Variants in CLPB observed in about 807,000 individuals in gnomAD.
The protein encoded by CLPB is mitochondrial disaggregase.
Under a neutral mutation model 78.4 loss-of-function variants are expected in CLPB, and 40 were observed. The observed-to-expected ratio is 0.51, with a 90% CI of 0.40 to 0.66. The LOEUF is 0.66. CLPB is among the 30% of genes least tolerant of loss of function. The pLI is 0.00. For missense variants in CLPB, 780 were observed against 886.9 expected (o/e 0.88, Z 1.53); for synonymous variants, 333 against 348.0 (o/e 0.96, Z 0.48).
chr11:72,302,643 T>TCCAC (rs1414990508), intron 9 of CLPB: 1 of 369,888 alleles, frequency 2.7e-6, no homozygotes, highest in Non-Finnish European at 5.2e-6. Flanking sequence ...CACCACATCA[T>TCCAC]CCACCCACCC....
In CLPB at chr11:72,317,255, C is replaced by T. The variant is rs758425727; in HGVS notation, c.874-35G>A. 96 of 1,508,508 alleles carry T rather than the reference C, an allele frequency of 6.4e-5. No homozygotes were observed. The Admixed American group carries it at 1.6e-3, about 25-fold the overall frequency. 93.4% of individuals were successfully genotyped at this position (1,508,508 alleles called of 1,614,324 possible). A position where few individuals can be genotyped will look rare whatever the true frequency, so the allele number is the denominator to read the frequency against. ...GAGAGGGCAAATGGTTGAGGGCTGC[C>T]GGGCCCATAGCACCATAGCTTCACT... On this transcript the variant is annotated intron_variant, in intron 6 of 15. Coordinates refer to ENST00000538039, the MANE Select transcript of CLPB (RefSeq NM_001258392.3).
Position 72,302,306 on chromosome 11 carries a change from C to T in CLPB, c.1165G>A (p.Glu389Lys). ...LDMSEFQERH[E>K]VAKFIGSPPG... ...AATCAAGGACTGTCATCACTCACCT[C>T]GTGTCGCTCCTGGAACTCGGACATG... is the stretch of plus-strand genomic sequence containing the variant. The change falls in exon 10 of 16, where the codon GAG (glutamate) becomes AAG (lysine). Residue 389 changes from glutamate to lysine, a missense_variant and splice_region_variant. Coordinates refer to ENST00000538039, the MANE Select transcript of CLPB (RefSeq NM_001258392.3). 6.2e-7 allele frequency: 1 copy of T among 1,614,090 alleles called. No individual in the cohort carries two copies. Among genetic ancestry groups the T allele is most frequent in the Non-Finnish European group, 8.5e-7 (1 of 1,179,950 alleles).
intron 4 of CLPB, among the ~76,000 whole-genome samples, chr11:72,365,859 A>G (rs1950932163): frequency 6.6e-6 from 1 of 152,230 alleles, no homozygotes; most frequent in Non-Finnish European, 1.5e-5. Context: ...ATCCACATGC[A>G]GAAGAATGAA....
At chr11:72,337,094 G>A (rs1950335956) in intron 5 of CLPB, 1 of 398,532 alleles carries the variant, frequency 2.5e-6, no homozygotes, top group Non-Finnish European at 4.4e-6. Flanking sequence ...GGCTACTCAA[G>A]TCAGAGCCAA....
intron 3 of CLPB, among the ~76,000 whole-genome samples, chr11:72,386,296 A>G (rs1188141707): frequency 1.3e-5 from 2 of 152,166 alleles, no homozygotes; most frequent in Non-Finnish European, 2.9e-5. Context: ...ATCCCTTATT[A>G]AGGTCCTTTG....
chr11:72,294,027 G>A lies in CLPB; in HGVS notation c.1780C>T (p.His594Tyr), dbSNP rs1442380307. ...TCTCAGGCTCCTGTGCTCACCTCAT[G>A]TTTGATGGAGCGGGCGCCATAGTGC... ...NVHYGARSIK[H>Y]EVERRVVNQL... The change falls in exon 15 of 16, where the codon CAT becomes TAT. Residue 594 changes from histidine (H) to tyrosine (Y), a missense_variant. His to Tyr is a moderately conservative substitution (Grantham distance 83). Transcript: ENST00000538039. 1.9e-5 allele frequency: 31 copies of A among 1,613,682 alleles called. No individual in the cohort carries two copies. Among genetic ancestry groups the A allele is most frequent in the Non-Finnish European group, 2.2e-5 (26 of 1,179,738 alleles).
intron 3 of CLPB, among the ~76,000 whole-genome samples, chr11:72,384,860 T>C (rs1000000447): frequency 6.6e-6 from 1 of 152,188 alleles, no homozygotes; most frequent in African/African-American, 2.4e-5. Context: ...ATTGTAAATA[T>C]ATATGCACCT....
At chr11:72,422,265 CAA>C (rs71469431) in intron 2 of CLPB, among the ~76,000 whole-genome samples, 1 of 24,976 alleles carries the variant, frequency 4.0e-5, no homozygotes, top group African/African-American at 1.2e-4. Context: ...GACTCCGTCT[CAA>C]AAAAAAAAAA....
chr11:72,330,897 G>A (rs1388771019), intron 5 of CLPB, among the ~76,000 whole-genome samples: 2 of 152,158 alleles, frequency 1.3e-5, no homozygotes, highest in Non-Finnish European at 2.9e-5. Flanking sequence ...CCATAGGATA[G>A]AATGGGCTGG....
At position 72,373,087 on chromosome 11, in the gene CLPB, G is replaced by T. The variant is rs572600067; in HGVS notation, c.646+7194C>A. 6.1e-6 allele frequency: 8 copies of T among 1,310,892 alleles called. No homozygotes were observed. In the East Asian group the frequency reaches 1.4e-4, roughly 23 times the overall value. 81.2% of individuals were successfully genotyped at this position (1,310,892 alleles called of 1,614,324 possible). On this transcript the variant is annotated intron_variant, in intron 4 of 15. Transcript: ENST00000538039. The stretch of plus-strand genomic sequence containing the variant: ...CAGGCCCTGGAGCTCTGGGAAGGGG[G>T]CACTCAGGCTGGTGGGGTTGTTCCA...
At chr11:72,326,607 G>A (rs947979507) in intron 6 of CLPB, among the ~76,000 whole-genome samples, 1 of 152,156 alleles carries the variant, frequency 6.6e-6, no homozygotes, top group Non-Finnish European at 1.5e-5. Context: ...TGAGCAGAGA[G>A]AAGGGGAGCC....
chr11:72,341,902 G>A (rs1407443472), intron 5 of CLPB, among the ~76,000 whole-genome samples: 1 of 152,208 alleles, frequency 6.6e-6, no homozygotes, highest in Non-Finnish European at 1.5e-5. Context: ...GATGGAGGCT[G>A]GTTTGATGGG....
chr11:72,348,103 G>A (rs990312278), intron 5 of CLPB, among the ~76,000 whole-genome samples: 2 of 152,184 alleles, frequency 1.3e-5, no homozygotes, highest in African/African-American at 2.4e-5. Context: ...ATAAATTTGT[G>A]TTGTTTTAAG....
chr11:72,317,259 C>T (rs1253540988), intron 6 of CLPB, 39 bp from the exon 7 acceptor site: 2 of 1,462,716 alleles, frequency 1.4e-6, no homozygotes, highest in Non-Finnish European at 1.9e-6. Context: ...GGCTGCCGGG[C>T]CCATAGCACC....
chr11:72,408,666 CAAAAAA>C (rs576990524), intron 2 of CLPB, among the ~76,000 whole-genome samples: 1 of 64,258 alleles, frequency 1.6e-5, no homozygotes, highest in Non-Finnish European at 3.6e-5. Context: ...GACTCTGTCT[CAAAAAA>C]AAAAAAAAAA....
At chr11:72,425,240 T>C (rs1856338432) in intron 2 of CLPB, among the ~76,000 whole-genome samples, 2 of 152,238 alleles carry the variant, frequency 1.3e-5, no homozygotes, top group African/African-American at 2.4e-5. Context: ...GTTGCATAAT[T>C]AGTTATCTGA....
chr11:72,326,781 C>G (rs1950140800), intron 6 of CLPB, among the ~76,000 whole-genome samples: 1 of 152,162 alleles, frequency 6.6e-6, no homozygotes, highest in Non-Finnish European at 1.5e-5. Context: ...GAGAAGAAAC[C>G]AGGTCTAAAA....
chr11:72,342,620 C>T (rs969649947), intron 5 of CLPB, among the ~76,000 whole-genome samples: 2 of 152,154 alleles, frequency 1.3e-5, no homozygotes, highest in Non-Finnish European at 2.9e-5. Context: ...GAGCAACTGT[C>T]AGTGGGGAGG....
chr11:72,317,051 G>A, intron 7 of CLPB, 55 bp downstream of exon 7: 3 of 1,281,238 alleles, frequency 2.3e-6, no homozygotes, highest in Non-Finnish European at 3.3e-6. Flanking sequence ...GGTGACGACA[G>A]GATGTACCCC....
Sources: allele counts gnomAD v4.1 joint callset (sites outside exome capture counted in the v4.1 genomes callset), GRCh38; gene constraint gnomAD v4.1.1; transcripts MANE v1.5; gene names NCBI Gene and HGNC (gene_info 2026-07-23, HGNC 2026-07-21).